The following SLCO3A1 variants were observed in gnomAD, a reference collection of about 807,000 sequenced individuals.
SLCO3A1 encodes PGE1 transporter.
SLCO3A1 carries 27 observed loss-of-function variants against 63.1 expected under a neutral mutation model. The ratio of observed to expected loss-of-function variants is 0.43; its 90% CI spans 0.32 to 0.59. The LOEUF (loss-of-function observed/expected upper bound fraction) is 0.59. Among genes scored for constraint, SLCO3A1 ranks in the 20% least tolerant of loss-of-function variants. The pLI is 0.09. For synonymous variants in SLCO3A1, 473 were observed against 409.9 expected (o/e 1.15, Z -1.86); for missense variants, 773 against 945.8 (o/e 0.82, Z 2.40).
chr15:91,868,058 T>A (rs1313847894), intron 1 of SLCO3A1, among the ~76,000 whole-genome samples: 1 of 150,938 alleles, frequency 6.6e-6, no homozygotes, highest in African/African-American at 2.4e-5. Context: ...TTTTTTTAAA[T>A]TTTTTTTTGA....
chr15:91,999,746 A>G (rs918092577), intron 2 of SLCO3A1, among the ~76,000 whole-genome samples: 5 of 152,166 alleles, frequency 3.3e-5, no homozygotes, highest in African/African-American at 1.2e-4. Flanking sequence ...AGCTATGATT[A>G]CTCCACTGCA....
intron 1 of SLCO3A1, among the ~76,000 whole-genome samples, chr15:91,889,783 A>G (rs995154474): frequency 2.0e-5 from 3 of 152,178 alleles, no homozygotes; most frequent in African/African-American, 7.2e-5. Flanking sequence ...GAATGATTTC[A>G]TTTTGCATCA....
chr15:92,024,937 C>A (rs2046553141), intron 2 of SLCO3A1, among the ~76,000 whole-genome samples: 1 of 152,136 alleles, frequency 6.6e-6, no homozygotes, highest in South Asian at 2.1e-4. Flanking sequence ...ATCTGTCCTG[C>A]CACTCATCCC....
intron 2 of SLCO3A1, among the ~76,000 whole-genome samples, chr15:91,998,630 CAAAA>C (rs1222113473): frequency 1.3e-5 from 2 of 152,006 alleles, no homozygotes; most frequent in African/African-American, 4.8e-5. Context: ...TACCAAAAGT[CAAAA>C]AACAGCAGAC....
In SLCO3A1 at chr15:91,916,244, C is replaced by T. The variant is rs149178805; in HGVS notation, c.432C>T (p.Ala144=). 384 of 1,565,566 alleles carry T rather than the reference C, an allele frequency of 2.5e-4. 2 individuals are homozygous for T. The African/African-American group carries it at 4.4e-3, about 18-fold the overall frequency. ...KYEAGEIRWG[A]EGRDVCAANG... Reference sequence around the variant, plus strand: ...AGGCGGGCGAGATCCGCTGGGGCGCCGAGGGCCGCGACGTCTGCGCAGCCA... The same window carrying T: ...AGGCGGGCGAGATCCGCTGGGGCGCTGAGGGCCGCGACGTCTGCGCAGCCA... Residue 144 remains alanine (A), a synonymous_variant, in exon 2 of 10, where the codon GCC becomes GCT. Transcript: ENST00000318445. The surrounding 1 kb of genome is among the most constrained non-coding windows in gnomAD (Gnocchi z 6.2).
intron 9 of SLCO3A1, among the ~76,000 whole-genome samples, chr15:92,157,717 C>T (rs946085623): frequency 7.2e-5 from 11 of 152,090 alleles, no homozygotes; most frequent in Non-Finnish European, 1.3e-4. Flanking sequence ...GAACTTAGGA[C>T]GGATTTTCAT....
At chr15:92,093,190 G>A (rs924729309) in intron 2 of SLCO3A1, among the ~76,000 whole-genome samples, 16 of 152,182 alleles carry the variant, frequency 1.1e-4, no homozygotes, top group African/African-American at 3.6e-4. Context: ...AAGGAGATTC[G>A]AGTGGCTCGG....
At chr15:91,943,944 C>T (rs566178253) in intron 2 of SLCO3A1, among the ~76,000 whole-genome samples, 2 of 152,316 alleles carry the variant, frequency 1.3e-5, no homozygotes, top group South Asian at 2.1e-4. Flanking sequence ...TAGCATCCCT[C>T]GGTGGGTCCC....
chr15:92,083,602 A>C (rs1223609580), intron 2 of SLCO3A1, among the ~76,000 whole-genome samples: 4 of 152,160 alleles, frequency 2.6e-5, no homozygotes, highest in African/African-American at 9.7e-5. Context: ...AGAGAATCGT[A>C]TTTGTCTCTA....
chr15:92,146,955 G>C (rs908436401), intron 7 of SLCO3A1, 29 bp from the exon 8 acceptor site: 2 of 1,569,930 alleles, frequency 1.3e-6, no homozygotes, highest in Non-Finnish European at 1.7e-6. Flanking sequence ...AGTACCCCCA[G>C]ATAAAAGGGC....
At chr15:92,056,455 C>T (rs562646420) in intron 2 of SLCO3A1, among the ~76,000 whole-genome samples, 1 of 152,286 alleles carries the variant, frequency 6.6e-6, no homozygotes, top group East Asian at 1.9e-4. Flanking sequence ...CCCTGCCACG[C>T]TTCTATATCC....
At chr15:91,895,990 G>A (rs2083714507) in intron 1 of SLCO3A1, among the ~76,000 whole-genome samples, 2 of 152,168 alleles carry the variant, frequency 1.3e-5, no homozygotes, top group African/African-American at 2.4e-5. Context: ...AAGCTATTCA[G>A]TTAAAAGCAC....
chr15:91,893,072 C>T (rs1897912257), intron 1 of SLCO3A1, among the ~76,000 whole-genome samples: 2 of 152,182 alleles, frequency 1.3e-5, no homozygotes, highest in Non-Finnish European at 2.9e-5. Context: ...TTCTAGAACT[C>T]AAATAGAGCT....
At chr15:91,922,116 T>A (rs575869248) in intron 2 of SLCO3A1, among the ~76,000 whole-genome samples, 10 of 152,242 alleles carry the variant, frequency 6.6e-5, no homozygotes, top group African/African-American at 1.9e-4. Context: ...GATGATGCAG[T>A]TTTAAGAATG....
rs893586088 is a variant in SLCO3A1 at position 91,950,983 on chromosome 15, T to C, written c.646+34525T>C. On this transcript the variant is annotated intron_variant, in intron 2 of 9. Coordinates refer to ENST00000318445, the MANE Select transcript of SLCO3A1 (RefSeq NM_013272.4). This position sits in a 1 kb window ranked among gnomAD's most constrained non-coding sequence, Gnocchi z 4.4. ...GCTGAAGCTATTGTGTGTATTCTCT[T>C]AGTAAAGTCAGTTCCCACAGTTCCC... Among the ~76,000 whole-genome samples, 1 of 152,178 alleles carries C rather than the reference T, an allele frequency of 6.6e-6. No homozygotes were observed. The highest frequency in any genetic ancestry group is 1.5e-5 in the Non-Finnish European group (1 of 68,020).
In SLCO3A1 at chr15:91,894,832, C is replaced by T. The variant is rs1409139926; in HGVS notation, c.181-21161C>T. 6.6e-6 allele frequency among the ~76,000 whole-genome samples: 1 copy of T among 152,128 alleles called. No homozygotes were observed. Among genetic ancestry groups the T allele is most frequent in the Non-Finnish European group, 1.5e-5 (1 of 68,018 alleles). ...TGCACATGCTTCTGCCACACAGAGG[C>T]ACAGAACAGTGAAACCCCCGGAGGG... On this transcript the variant is annotated intron_variant, in intron 1 of 9. Transcript: ENST00000318445. This position sits in a 1 kb window ranked among gnomAD's most constrained non-coding sequence, Gnocchi z 4.8.
In SLCO3A1 at chr15:92,019,598, G is replaced by C. The variant is rs115293616; in HGVS notation, c.647-75283G>C. 5.7e-3 allele frequency among the ~76,000 whole-genome samples: 864 copies of C among 152,334 alleles called. 4 individuals carry two copies. The highest frequency in any genetic ancestry group is 0.019 in the African/African-American group (787 of 41,580). On this transcript the variant is annotated intron_variant, in intron 2 of 9. Coordinates refer to ENST00000318445, the MANE Select transcript of SLCO3A1 (RefSeq NM_013272.4). ...ACTGCATCTTGAGGGATGGTCAAGA[G>C]TTTGCTGGGTAGAAATCTAGGGTTG... is the stretch of plus-strand genomic sequence containing the variant.
chr15:92,134,720 A>G (rs993066269), intron 7 of SLCO3A1, among the ~76,000 whole-genome samples: 1 of 152,270 alleles, frequency 6.6e-6, no homozygotes, highest in Admixed American at 6.5e-5. Context: ...AATATCTAAA[A>G]TGATTATCAC....
Position 91,862,654 on chromosome 15 carries a change from C to G in SLCO3A1, c.180+8566C>G, listed in dbSNP as rs182989340. ...TACCTAAATTTCTAGTTGTGCAGAG[C>G]GTGAAGAAATGAGCAGGGGCTGATG... On this transcript the variant is annotated intron_variant, in intron 1 of 9. Coordinates refer to ENST00000318445, the MANE Select transcript of SLCO3A1 (RefSeq NM_013272.4). This position sits in a 1 kb window ranked among gnomAD's most constrained non-coding sequence, Gnocchi z 4.0. 2.0e-5 allele frequency among the ~76,000 whole-genome samples: 3 copies of G among 152,112 alleles called. No homozygotes were observed. The highest frequency in any genetic ancestry group is 4.4e-5 in the Non-Finnish European group (3 of 68,032).
Sources: gnomAD v4.1 joint callset for allele counts (sites outside exome capture counted in the v4.1 genomes callset) on GRCh38, gnomAD v4.1.1 for gene constraint, Gnocchi (gnomAD v3.1) non-coding constraint, MANE v1.5 for transcripts, NCBI Gene and HGNC (gene_info 2026-07-23, HGNC 2026-07-21) for gene names.